DNAH6: variants seen among roughly 807,000 people sequenced by gnomAD.
The protein encoded by DNAH6 is axonemal beta dynein heavy chain 6.
DNAH6 carries 340 observed loss-of-function variants against 491.4 expected under a neutral mutation model. That is an observed-to-expected ratio of 0.69 (90% CI 0.63 to 0.76). The LOEUF (loss-of-function observed/expected upper bound fraction) is 0.76. Ranked by LOEUF, DNAH6 falls within the 30% of genes least tolerant of loss-of-function variation. The pLI is 0.00. For missense variants in DNAH6, 4,443 were observed against 4,972.2 expected (o/e 0.89, Z 3.20); for synonymous variants, 1,603 against 1,686.1 (o/e 0.95, Z 1.21).
intron 11 of DNAH6, among the ~76,000 whole-genome samples, chr2:84,565,323 C>A (rs1294507827): frequency 1.3e-5 from 1 of 75,944 alleles, no homozygotes; most frequent in Non-Finnish European, 3.7e-5. Context: ...CCATCTGGTC[C>A]AGGGCTTTTT....
chr2:84,777,721 TTCCCCCATCAGGTAACGGAA>T (rs2105207044), intron 64 of DNAH6: 2 of 832,152 alleles, frequency 2.4e-6, no homozygotes, highest in East Asian at 4.8e-5. Context: ...CTCCCAGCCC[TTCCCCCATCAGGTAACGGAA>T]TCGGGCTGAA....
At chr2:84,646,210 C>T (rs984048346) in intron 33 of DNAH6, among the ~76,000 whole-genome samples, 1 of 152,112 alleles carries the variant, frequency 6.6e-6, no homozygotes, top group Non-Finnish European at 1.5e-5. Flanking sequence ...TCTGGGAGCA[C>T]CACAAACTGC....
the DNAH6 span, among the ~76,000 whole-genome samples, chr2:84,461,866 C>T: frequency 2.6e-5 from 4 of 152,324 alleles, no homozygotes; most frequent in East Asian, 5.8e-4. Flanking sequence ...GGAGCTACTT[C>T]TCTCTGAAGT....
rs527897440 is a variant in DNAH6, at chr2:84,572,065, C to T, written c.1804-1402C>T. On this transcript the variant is annotated intron_variant, in intron 11 of 76. Coordinates refer to ENST00000389394, the MANE Select transcript of DNAH6 (RefSeq NM_001370.2). ...ACAAATGGTAGAATTTGTATGAGGT[C>T]GGTAATTAGATAGCAGTATTAATAT... 9.2e-5 allele frequency among the ~76,000 whole-genome samples: 14 copies of T among 152,162 alleles called. No homozygotes were observed. The East Asian group carries it at 9.6e-4, about 10-fold the overall frequency.
chr2:84,493,738 C>T, the DNAH6 span, among the ~76,000 whole-genome samples: 5 of 152,122 alleles, frequency 3.3e-5, no homozygotes, highest in Admixed American at 1.3e-4. Flanking sequence ...ATACAAGTGA[C>T]GCAGATGGTC....
intron 9 of DNAH6, 31 bp downstream of exon 9, chr2:84,550,088 T>C (rs745838039): frequency 3.8e-5 from 59 of 1,566,722 alleles, no homozygotes; most frequent in Non-Finnish European, 5.1e-5. Flanking sequence ...GAATATTTTA[T>C]TGGTCAGCAT....
intron 14 of DNAH6, among the ~76,000 whole-genome samples, chr2:84,583,408 T>C (rs1017159311): frequency 6.6e-6 from 1 of 152,198 alleles, no homozygotes; most frequent in Non-Finnish European, 1.5e-5. Context: ...AGAGGAAACA[T>C]TTATAAGAGC....
chr2:84,653,584 T>C lies in DNAH6; in HGVS notation c.5344T>C (p.Phe1782Leu). 1.9e-6 allele frequency: 3 copies of C among 1,551,348 alleles called. No individual in the cohort carries two copies. The highest frequency in any genetic ancestry group is 2.6e-6 in the Non-Finnish European group (3 of 1,146,708). Reference sequence around the variant, plus strand: ...ACAAAAACTTGGGATAGAAAATTCCTTTTACCAAGCAGTTAAAACATATGT... The same window carrying C: ...ACAAAAACTTGGGATAGAAAATTCCCTTTACCAAGCAGTTAAAACATATGT... ...NLQKLGIENS[F>L]YQAVKTYVLN... Residue 1782 changes from phenylalanine (F) to leucine (L), a missense_variant, in exon 34 of 77, where the codon TTT (phenylalanine) becomes CTT (leucine). Physicochemically the swap from Phe to Leu is conservative, Grantham distance 22 (BLOSUM62 0). This residue lies in a region of DNAH6 where 2,977 missense variants were observed against 3,296.6 expected (regional missense o/e 0.90). Coordinates refer to ENST00000389394, the MANE Select transcript of DNAH6 (RefSeq NM_001370.2).
chr2:84,648,735 C>T (rs1364947317), intron 33 of DNAH6, among the ~76,000 whole-genome samples: 1 of 152,148 alleles, frequency 6.6e-6, no homozygotes, highest in Non-Finnish European at 1.5e-5. Flanking sequence ...AAAGTAGTTT[C>T]CTGAGATGGG....
intron 14 of DNAH6, among the ~76,000 whole-genome samples, chr2:84,582,267 C>A (rs1022805862): frequency 6.6e-6 from 1 of 152,176 alleles, no homozygotes; most frequent in Non-Finnish European, 1.5e-5. Flanking sequence ...CTCCTTCTCT[C>A]ATCTCTGCTA....
chr2:84,673,965 G>T (rs780826015), intron 40 of DNAH6, among the ~76,000 whole-genome samples: 110 of 152,154 alleles, frequency 7.2e-4, no homozygotes, highest in Non-Finnish European at 5.6e-4. Flanking sequence ...AACCATCACA[G>T]GTGGGGTATA....
intron 63 of DNAH6, among the ~76,000 whole-genome samples, chr2:84,756,417 A>G (rs1288306997): frequency 1.3e-5 from 2 of 152,210 alleles, no homozygotes; most frequent in Non-Finnish European, 2.9e-5. Flanking sequence ...GCCTTCTACA[A>G]GGAAAAATAC....
At chr2:84,683,676 G>A (rs1694023605) in intron 42 of DNAH6, among the ~76,000 whole-genome samples, 1 of 151,986 alleles carries the variant, frequency 6.6e-6, no homozygotes, top group Non-Finnish European at 1.5e-5. Flanking sequence ...ACCTGCCTCG[G>A]CCTCCCAAAG....
chr2:84,466,564 A>G, the DNAH6 span, among the ~76,000 whole-genome samples: 1 of 152,246 alleles, frequency 6.6e-6, no homozygotes, highest in African/African-American at 2.4e-5. Flanking sequence ...GCAATATTTT[A>G]AGCAAAGTTA....
intron 73 of DNAH6, 102 bp downstream of exon 73, chr2:84,812,628 T>C (rs1471813415): frequency 1.8e-5 from 17 of 938,338 alleles, no homozygotes; most frequent in Non-Finnish European, 2.7e-5. Context: ...CACTGATGGA[T>C]AATCTGAGCC....
chr2:84,616,737 T>G, intron 22 of DNAH6, 149 bp from the exon 23 acceptor site: 1 of 467,672 alleles, frequency 2.1e-6, no homozygotes, highest in South Asian at 4.5e-5. Flanking sequence ...TAGGTTTGGA[T>G]AATTCAAAGC....
intron 29 of DNAH6, among the ~76,000 whole-genome samples, chr2:84,629,689 C>G (rs1165078565): frequency 6.6e-6 from 1 of 152,130 alleles, no homozygotes; most frequent in Non-Finnish European, 1.5e-5. Flanking sequence ...GGGACATTGA[C>G]AGCCTAAAAA....
the DNAH6 span, among the ~76,000 whole-genome samples, chr2:84,472,480 C>T: frequency 6.6e-6 from 1 of 152,046 alleles, no homozygotes; most frequent in Admixed American, 6.6e-5. Context: ...TAGGTATCTA[C>T]TGAAACATGA....
Position 84,733,458 on chromosome 2 carries a change from G to C in DNAH6, c.10221G>C (p.Lys3407Asn). Residue 3407 changes from lysine to asparagine, a missense_variant, in exon 62 of 77, where the codon AAG (lysine) becomes AAC (asparagine). Coordinates refer to ENST00000389394, the MANE Select transcript of DNAH6 (RefSeq NM_001370.2). ...SAGLEKERPP[K>N]PEAPWLPTAT... ...TCTTCAAACAGGAACGCCCACCTAA[G>C]CCTGAAGCTCCCTGGCTACCTACTG... The C allele has an allele frequency of 6.4e-7, 1 of 1,551,112 alleles. No individual in the cohort carries two copies. Among genetic ancestry groups the C allele is most frequent in the Non-Finnish European group, 8.7e-7 (1 of 1,146,636 alleles).
Sources: allele counts gnomAD v4.1 joint callset (sites outside exome capture counted in the v4.1 genomes callset), GRCh38; gene constraint gnomAD v4.1.1; regional missense constraint gnomAD v4.1.1; transcripts MANE v1.5; gene names NCBI Gene and HGNC (gene_info 2026-07-23, HGNC 2026-07-21).